The following SPRY3 variants were observed in gnomAD, a reference collection of about 807,000 sequenced individuals.
The protein encoded by SPRY3 is sprouty RTK signaling antagonist 3, also known as protein sprouty homolog 3.
In SPRY3, 15 loss-of-function variants were observed where a neutral mutation model predicts 20.2. The observed-to-expected ratio is 0.74, with a 90% CI of 0.50 to 1.14. The LOEUF is 1.14. Among genes scored for constraint, SPRY3 ranks in the 50% most tolerant of loss-of-function variants. The probability of loss-of-function intolerance (pLI) is 0.00; values close to 1 mark genes in which losing one functional copy is unlikely to be tolerated. For missense variants in SPRY3, 364 were observed against 363.9 expected (o/e 1.00, Z 0.00); for synonymous variants, 143 against 136.5 (o/e 1.05, Z -0.33).
chrX:155,724,554 C>T (rs986088561), intron 2 of SPRY3, among the ~76,000 whole-genome samples: 1 of 152,074 alleles, frequency 6.6e-6, no homozygotes, highest in African/African-American at 2.4e-5. Context: ...GGATTTTATT[C>T]TCTTTGAAGC....
chrX:155,767,717 A>AGGAGGAGGG (rs1158485492), intron 2 of SPRY3: 2 of 97,222 alleles, frequency 2.1e-5, no homozygotes, highest in African/African-American at 9.7e-5. Context: ...GAGGAGGAGG[A>AGGAGGAGGG]GAAAGAGGAG....
Position 155,691,171 on chromosome X carries a change from A to G in SPRY3, c.-282+34146A>G, listed in dbSNP as rs959699964. Among the ~76,000 whole-genome samples the G allele has an allele frequency of 1.0e-4, 9 of 87,459 alleles. 1 individual carries two copies. Among genetic ancestry groups the G allele is most frequent in the Admixed American group, 9.9e-4 (8 of 8,091 alleles). The allele number at this position is 87,459 out of a possible 115,157, so 75.9% of individuals were successfully genotyped here. On this transcript the variant is annotated intron_variant, in intron 2 of 3. Transcript: ENST00000675360. ...CTTGTTTGCCCCAAGAATACTCATC[A>G]GTGGCACTTGCAGCTGCAGCATTTA...
chrX:155,717,439 G>A (rs2091030734), intron 2 of SPRY3, among the ~76,000 whole-genome samples: 1 of 152,006 alleles, frequency 6.6e-6, no homozygotes, highest in African/African-American at 2.4e-5. Flanking sequence ...TGCAGAACAT[G>A]CAGGTTTGTT....
chrX:155,746,222 A>G (rs2091225361), intron 2 of SPRY3, among the ~76,000 whole-genome samples: 1 of 152,078 alleles, frequency 6.6e-6, no homozygotes, highest in African/African-American at 2.4e-5. Context: ...TAAGCAAGTA[A>G]ATATTAATAA....
chrX:155,674,502 G>A (rs1264074445), intron 2 of SPRY3, among the ~76,000 whole-genome samples: 1 of 110,955 alleles, frequency 9.0e-6, no homozygotes, highest in Admixed American at 9.7e-5. Context: ...TGGTTATACA[G>A]TTCTATTTAT....
chrX:155,723,606 C>A (rs1416887181), intron 2 of SPRY3, among the ~76,000 whole-genome samples: 1 of 152,042 alleles, frequency 6.6e-6, no homozygotes, highest in Non-Finnish European at 1.5e-5. Flanking sequence ...TGTTCATATC[C>A]TTTGCCCACT....
intron 2 of SPRY3, among the ~76,000 whole-genome samples, chrX:155,717,055 A>G (rs1040067049): frequency 1.4e-5 from 2 of 140,354 alleles, no homozygotes; most frequent in Non-Finnish European, 3.0e-5. Context: ...GCTACTCGGG[A>G]GGCTGAGGCA....
At position 155,767,470 on chromosome X, in the gene SPRY3, C is replaced by G. The variant is rs2091340272; in HGVS notation, c.-281-492C>G. On this transcript the variant is annotated intron_variant, in intron 2 of 3. Transcript: ENST00000675360. Reference sequence around the variant, plus strand: ...ATTGCTCCGTTGAGATACCCTGTGTCTACAACTGCAGTTTCTGCTGCTTCG... The same window carrying G: ...ATTGCTCCGTTGAGATACCCTGTGTGTACAACTGCAGTTTCTGCTGCTTCG... Among the ~76,000 whole-genome samples the G allele has an allele frequency of 2.0e-5, 3 of 151,974 alleles. No homozygotes were observed. The South Asian group carries it at 6.3e-4, about 32-fold the overall frequency.
At chrX:155,758,664 G>A (rs745975260) in intron 2 of SPRY3, among the ~76,000 whole-genome samples, 79 of 152,214 alleles carry the variant, frequency 5.2e-4, no homozygotes, top group African/African-American at 1.9e-3. Context: ...GATGTGTCCT[G>A]GGAGAAAGAG....
At chrX:155,731,500 A>G (rs1424139605) in intron 2 of SPRY3, among the ~76,000 whole-genome samples, 2 of 152,142 alleles carry the variant, frequency 1.3e-5, no homozygotes, top group Non-Finnish European at 2.9e-5. Context: ...ATGTACAAAA[A>G]TAAAATCTAA....
intron 2 of SPRY3, among the ~76,000 whole-genome samples, chrX:155,753,332 A>AT (rs55720186): frequency 1 from 151,982 of 151,982 alleles, 75,991 homozygotes; most frequent in Non-Finnish European, 1. Flanking sequence ...ATTCACATAA[A>AT]TGAATATTAT....
intron 1 of SPRY3, among the ~76,000 whole-genome samples, chrX:155,615,035 C>CTT (rs1325669135): frequency 9.5e-6 from 1 of 104,900 alleles, no homozygotes; most frequent in African/African-American, 3.4e-5. Context: ...CAGAGTTTGG[C>CTT]TTTTTTTTTT....
chrX:155,763,384 C>A (rs1369706071), intron 2 of SPRY3, among the ~76,000 whole-genome samples: 2 of 152,132 alleles, frequency 1.3e-5, no homozygotes, highest in Non-Finnish European at 2.9e-5. Flanking sequence ...CCTAACCAGG[C>A]CCTTATCATC....
intron 2 of SPRY3, among the ~76,000 whole-genome samples, chrX:155,760,491 C>T (rs2091299833): frequency 6.6e-6 from 1 of 152,138 alleles, no homozygotes; most frequent in African/African-American, 2.4e-5. Flanking sequence ...CCTTTTTCAG[C>T]AGAGATAATT....
chrX:155,716,504 C>T (rs2091023593), intron 2 of SPRY3, among the ~76,000 whole-genome samples: 1 of 152,090 alleles, frequency 6.6e-6, no homozygotes, highest in Admixed American at 6.6e-5. Flanking sequence ...CCACACATCT[C>T]TTAATTTTTC....
downstream of SPRY3, chrX:155,779,812 T>G (rs1326063041): frequency 6.0e-6 from 1 of 167,022 alleles, no homozygotes; most frequent in East Asian, 1.9e-4. Flanking sequence ...TACCTTTTAT[T>G]CACATATACA....
chrX:155,664,460 A>T (rs1255374207), intron 2 of SPRY3, among the ~76,000 whole-genome samples: 1 of 109,440 alleles, frequency 9.1e-6, no homozygotes, highest in Non-Finnish European at 1.9e-5. Flanking sequence ...AGATAGTGAA[A>T]CTTACCATAA....
intron 2 of SPRY3, among the ~76,000 whole-genome samples, chrX:155,684,154 G>T (rs979167757): frequency 3.6e-5 from 4 of 111,122 alleles, no homozygotes; most frequent in African/African-American, 9.8e-5. Context: ...GTTTGAGGGG[G>T]TTGACAGGGA....
exon 4 of SPRY3, chrX:155,774,037 G>A (rs775280729): frequency 3.1e-6 from 5 of 1,613,900 alleles, no homozygotes; most frequent in Non-Finnish European, 2.5e-6. Flanking sequence ...TTGGTCTCTG[G>A]CTACCATGCC....
Sources: gnomAD v4.1 joint callset for allele counts (sites outside exome capture counted in the v4.1 genomes callset) on GRCh38, gnomAD v4.1.1 for gene constraint, MANE v1.5 for transcripts, NCBI Gene and HGNC (gene_info 2026-07-23, HGNC 2026-07-21) for gene names.